The following OTOGL variants were observed in gnomAD, a reference collection of about 807,000 sequenced individuals.
The protein encoded by OTOGL is otogelin-like protein.
In OTOGL, 285 loss-of-function variants were observed where a neutral mutation model predicts 318.5. The ratio of observed to expected loss-of-function variants is 0.89; its 90% CI spans 0.81 to 0.99. The LOEUF is 0.99. OTOGL is among the 50% of genes least tolerant of loss of function. OTOGL has a pLI of 0.00. For synonymous variants in OTOGL, 987 were observed against 936.5 expected, an observed-to-expected ratio of 1.05 and a Z score of -0.99; for missense variants, 2,899 against 2,845.6, an observed-to-expected ratio of 1.02 and a Z score of -0.43.
intron 1 of OTOGL, among the ~76,000 whole-genome samples, chr12:80,122,239 T>C (rs1592468924): frequency 6.6e-6 from 1 of 151,904 alleles, no homozygotes; most frequent in East Asian, 1.9e-4. Flanking sequence ...TAGGATAAAA[T>C]TCCAATGTAT....
chr12:80,198,451 G>A (rs1443639304), intron 1 of OTOGL, among the ~76,000 whole-genome samples: 5 of 152,144 alleles, frequency 3.3e-5, no homozygotes. Context: ...GGGCATGGTG[G>A]CACGTGCCTG....
chr12:80,264,987 G>T lies in OTOGL; in HGVS notation c.2015-14G>T. The T allele has an allele frequency of 1.2e-5, 19 of 1,612,506 alleles. No homozygotes were observed. The highest frequency in any genetic ancestry group is 1.5e-5 in the Non-Finnish European group (18 of 1,178,722). On this transcript the variant is annotated splice_polypyrimidine_tract_variant and intron_variant, in intron 19 of 58. Coordinates refer to ENST00000547103, the MANE Select transcript of OTOGL (RefSeq NM_001378609.3). ...TGAACTGTTAAATAAGATGCTAATT[G>T]GGCTCTTTGTTAGTTGGGTATGCAG...
intron 1 of OTOGL, among the ~76,000 whole-genome samples, chr12:80,198,120 G>A (rs1224444440): frequency 6.6e-6 from 1 of 152,168 alleles, no homozygotes; most frequent in African/African-American, 2.4e-5. Flanking sequence ...AGGACATATT[G>A]ATATACTTAA....
At position 80,333,059 on chromosome 12, in the gene OTOGL, C is replaced by T. The variant is rs557387942; in HGVS notation, c.4403C>T (p.Thr1468Ile). ...ACTGTGTTTGATATGCTAACACCAA[C>T]TACAGGCTTGGAATGTGAGGTATGA... Reference protein sequence around the residue: ...DITVFDMLTPTTGLECEPQKF... With the variant: ...DITVFDMLTPITGLECEPQKF... The change falls in exon 38 of 59, where the codon ACT (threonine) becomes ATT (isoleucine). Residue 1468 changes from threonine (T) to isoleucine (I), a missense_variant. Coordinates refer to ENST00000547103, the MANE Select transcript of OTOGL (RefSeq NM_001378609.3). 8.3e-5 allele frequency: 133 copies of T among 1,600,930 alleles called. No homozygotes were observed. The highest frequency in any genetic ancestry group is 4.9e-4 in the South Asian group (43 of 88,574).
chr12:80,229,174 T>A (rs1879140829), intron 7 of OTOGL, 83 bp from the exon 8 acceptor site: 1 of 1,448,484 alleles, frequency 6.9e-7, no homozygotes, highest in Non-Finnish European at 9.4e-7. Flanking sequence ...TGAAACTATA[T>A]GATTGTAAAC....
At chr12:80,158,267 A>C (rs142906738) in intron 1 of OTOGL, among the ~76,000 whole-genome samples, 171 of 152,228 alleles carry the variant, frequency 1.1e-3, no homozygotes, top group African/African-American at 4.0e-3. Context: ...GTGTGACTTT[A>C]TTTATAAGTT....
At chr12:80,329,437 T>C (rs993663601) in intron 37 of OTOGL, among the ~76,000 whole-genome samples, 5 of 152,228 alleles carry the variant, frequency 3.3e-5, no homozygotes, top group Non-Finnish European at 7.3e-5. Flanking sequence ...TCATTTCAGT[T>C]CGTGTAGATT....
chr12:80,158,745 G>A (rs1234468093), intron 1 of OTOGL, among the ~76,000 whole-genome samples: 1 of 151,798 alleles, frequency 6.6e-6, no homozygotes. Context: ...GAATCTTTAG[G>A]GTTTTCTAAG....
At chr12:80,156,363 A>G (rs1156509922) in intron 1 of OTOGL, among the ~76,000 whole-genome samples, 1 of 152,088 alleles carries the variant, frequency 6.6e-6, no homozygotes, top group East Asian at 1.9e-4. Context: ...CTATTGTGGG[A>G]CCTCACCTTG....
chr12:80,105,777 C>T (rs539741299), intron 1 of OTOGL, among the ~76,000 whole-genome samples: 5 of 152,196 alleles, frequency 3.3e-5, no homozygotes, highest in Non-Finnish European at 5.9e-5. Context: ...TTGGTATCCC[C>T]GGCATGACTA....
intron 43 of OTOGL, 104 bp from the exon 44 acceptor site, chr12:80,341,844 T>C (rs750799885): frequency 8.7e-5 from 68 of 777,642 alleles, no homozygotes; most frequent in Non-Finnish European, 1.3e-4. Flanking sequence ...GTACCTTATA[T>C]GGTAAATCAT....
intron 1 of OTOGL, among the ~76,000 whole-genome samples, chr12:80,128,749 G>C (rs7313664): frequency 0.64 from 97,624 of 151,892 alleles, 32,185 homozygotes; most frequent in African/African-American, 0.79. Context: ...TCGGGCACCC[G>C]TCCCCCAGCC....
At chr12:80,370,388 A>G (rs1890803932) in intron 55 of OTOGL, among the ~76,000 whole-genome samples, 182 bp from the exon 56 acceptor site, 1 of 146,838 alleles carries the variant, frequency 6.8e-6, no homozygotes, top group Non-Finnish European at 1.5e-5. Flanking sequence ...AGTATACACT[A>G]TACACGTGTA....
chr12:80,167,178 G>T (rs964070988), intron 1 of OTOGL, among the ~76,000 whole-genome samples: 1 of 152,020 alleles, frequency 6.6e-6, no homozygotes. Flanking sequence ...GAACAGTCAC[G>T]GAGTTGGAAA....
intron 5 of OTOGL, 76 bp from the exon 6 acceptor site, chr12:80,219,738 G>A (rs1490482216): frequency 1.1e-6 from 1 of 918,244 alleles, no homozygotes; most frequent in Non-Finnish European, 1.7e-6. Context: ...ATTTGTCCAA[G>A]CTATATCTTG....
At chr12:80,216,421 C>G (rs888372521) in intron 4 of OTOGL, among the ~76,000 whole-genome samples, 1 of 152,074 alleles carries the variant, frequency 6.6e-6, no homozygotes, top group African/African-American at 2.4e-5. Flanking sequence ...AAGAATATTG[C>G]CCCAGCCCAT....
chr12:80,203,663 G>A (rs1181898116), intron 1 of OTOGL, among the ~76,000 whole-genome samples: 1 of 152,188 alleles, frequency 6.6e-6, no homozygotes, highest in Non-Finnish European at 1.5e-5. Context: ...AAACTGCTCA[G>A]TAGCGGGTAG....
intron 1 of OTOGL, among the ~76,000 whole-genome samples, chr12:80,100,639 G>A (rs775818781): frequency 1.2e-4 from 18 of 152,048 alleles, no homozygotes; most frequent in African/African-American, 2.9e-4. Flanking sequence ...TAGGTGTTAC[G>A]AGAAACTGGC....
At chr12:80,351,618 G>C (rs1406219975) in intron 44 of OTOGL, among the ~76,000 whole-genome samples, 1 of 151,966 alleles carries the variant, frequency 6.6e-6, no homozygotes, top group Non-Finnish European at 1.5e-5. Context: ...AAAAATAGAT[G>C]GACTATGAAA....
Sources: gnomAD v4.1 joint callset for allele counts (sites outside exome capture counted in the v4.1 genomes callset) on GRCh38, gnomAD v4.1.1 for gene constraint, MANE v1.5 for transcripts, NCBI Gene and HGNC (gene_info 2026-07-23, HGNC 2026-07-21) for gene names.